Variants in SDK2 observed in about 807,000 individuals in gnomAD.
The protein encoded by SDK2 is protein sidekick-2.
A neutral mutation model predicts 253.9 loss-of-function variants in SDK2; 105 were observed. That is an observed-to-expected ratio of 0.41 (90% confidence interval 0.35 to 0.49). The LOEUF (loss-of-function observed/expected upper bound fraction) is 0.49. Among genes scored for constraint, SDK2 ranks in the 20% least tolerant of loss-of-function variants. SDK2 has a pLI of 0.06. For missense variants in SDK2, 2,608 were observed against 3,003.0 expected, an observed-to-expected ratio of 0.87 and a Z score of 3.07; for synonymous variants, 1,249 against 1,234.9, an observed-to-expected ratio of 1.01 and a Z score of -0.24.
At chr17:73,366,409 G>T (rs2062685918) in intron 37 of SDK2, among the ~76,000 whole-genome samples, 1 of 152,142 alleles carries the variant, frequency 6.6e-6, no homozygotes, top group South Asian at 2.1e-4. Flanking sequence ...TCAGACCCTG[G>T]GGGTAGTGGA....
At chr17:73,595,519 A>G (rs11649898) in intron 1 of SDK2, among the ~76,000 whole-genome samples, 1 of 152,000 alleles carries the variant, frequency 6.6e-6, no homozygotes, top group Non-Finnish European at 1.5e-5. Flanking sequence ...GCCTCGGGTC[A>G]TCAGAGGAAA....
intron 2 of SDK2, among the ~76,000 whole-genome samples, chr17:73,477,821 C>G (rs951357220): frequency 6.6e-6 from 1 of 152,118 alleles, no homozygotes; most frequent in Non-Finnish European, 1.5e-5. Flanking sequence ...AGAGCAGGAA[C>G]CTGGCTCCTC....
chr17:73,464,508 C>T lies in SDK2; in HGVS notation c.331+7604G>A, dbSNP rs192494870. On this transcript the variant is annotated intron_variant, in intron 3 of 44. Transcript: ENST00000392650. The stretch of plus-strand genomic sequence containing the variant: ...TCTTTATTAGCAGCTTGAAAACAGG[C>T]TAATACACAGCCAAAGCACTGACCA... 7.2e-5 allele frequency among the ~76,000 whole-genome samples: 11 copies of T among 152,340 alleles called. No homozygotes were observed. In the East Asian group the frequency reaches 1.9e-3, roughly 27 times the overall value.
rs766188468 is a variant in SDK2, at chr17:73,433,809, G to A, written c.1235C>T (p.Thr412Met). Residue 412 changes from threonine to methionine, a missense_variant, in exon 10 of 45, where the codon ACG (threonine) becomes ATG (methionine). Transcript: ENST00000392650. ...CACCACTGACATGCCATCGATCACC[G>A]TGCTGTCCAGGGGGCCTCTGGTGAT... ...PNITRGPLDS[T>M]VIDGMSVVLA... 1.0e-5 allele frequency: 16 copies of A among 1,598,740 alleles called. No homozygotes were observed. The East Asian group carries it at 1.3e-4, about 13-fold the overall frequency.
intron 1 of SDK2, among the ~76,000 whole-genome samples, chr17:73,606,514 C>T (rs1385241998): frequency 6.6e-6 from 1 of 152,160 alleles, no homozygotes; most frequent in Non-Finnish European, 1.5e-5. Context: ...CCTATTTTAC[C>T]CGCACCATCT....
chr17:73,591,040 C>T (rs552941548), intron 1 of SDK2, among the ~76,000 whole-genome samples: 7 of 152,284 alleles, frequency 4.6e-5, no homozygotes, highest in Admixed American at 3.9e-4. Flanking sequence ...CTGCCTCAGC[C>T]TCCTGAGTAG....
rs2062707099 is a variant in SDK2, at chr17:73,368,620, G to T, written c.4981-27C>A. 10 of 1,519,878 alleles carry T rather than the reference G, an allele frequency of 6.6e-6. No individual in the cohort carries two copies. The East Asian group carries it at 2.4e-4, about 36-fold the overall frequency. 94.1% of individuals were successfully genotyped at this position (1,519,878 alleles called of 1,614,324 possible). ...TGTGGGAACAGAAGGATGTGGGAGT[G>T]AGGGGGACAGGGGCAATGAGAGTCC... is the stretch of plus-strand genomic sequence containing the variant. On this transcript the variant is annotated intron_variant, in intron 36 of 44. Coordinates refer to ENST00000392650, the MANE Select transcript of SDK2 (RefSeq NM_001144952.2).
intron 3 of SDK2, 73 bp downstream of exon 3, chr17:73,472,039 C>T (rs1418276504): frequency 3.6e-6 from 4 of 1,125,194 alleles, no homozygotes; most frequent in Non-Finnish European, 5.2e-6. Context: ...TGGCTCTGCC[C>T]AGGATGTGGC....
In SDK2 at chr17:73,350,278, G is replaced by A. The variant is rs138003419; in HGVS notation, c.5997C>T (p.Ser1999=). The A allele has an allele frequency of 4.2e-5, 67 of 1,599,448 alleles. No individual in the cohort carries two copies. The Middle Eastern group carries it at 6.6e-4, about 16-fold the overall frequency. ...TCTTTCGGCAGAAAGAGTTCTTGAC[G>A]GAGAGCCGCCTGTTGTTGAGTTCCA... is the stretch of plus-strand genomic sequence containing the variant. The part of the protein sequence containing the change: ...PALELNNRRL[S]VKNSFCRKNG... The change falls in exon 43 of 45, where the codon TCC becomes TCT. Residue 1999 remains serine, a synonymous_variant. Coordinates refer to ENST00000392650, the MANE Select transcript of SDK2 (RefSeq NM_001144952.2).
rs566117978 is a variant in SDK2 at position 73,608,186 on chromosome 17, C to T, written c.64+35839G>A. ...TTTCTCAGATGTGCCTGGTGTTGGA[C>T]GACCTCAACAGTTTTGAGGGGTGCT... On this transcript the variant is annotated intron_variant, in intron 1 of 44. Transcript: ENST00000392650. Among the ~76,000 whole-genome samples the T allele has an allele frequency of 2.6e-5, 4 of 152,046 alleles. No individual in the cohort carries two copies. The East Asian group carries it at 5.8e-4, about 22-fold the overall frequency.
intron 1 of SDK2, among the ~76,000 whole-genome samples, chr17:73,566,080 C>T (rs929673408): frequency 2.6e-5 from 4 of 152,324 alleles, no homozygotes; most frequent in Non-Finnish European, 5.9e-5. Flanking sequence ...CTTGGCCTCC[C>T]AAAGTCCTGG....
intron 1 of SDK2, among the ~76,000 whole-genome samples, chr17:73,625,095 T>A (rs1016739579): frequency 2.0e-5 from 3 of 152,158 alleles, no homozygotes; most frequent in African/African-American, 7.2e-5. Context: ...AGGGCCAGGA[T>A]TCCAGCTGAG....
intron 1 of SDK2, among the ~76,000 whole-genome samples, chr17:73,523,556 C>T (rs1259710612): frequency 1.3e-5 from 2 of 151,914 alleles, no homozygotes; most frequent in Non-Finnish European, 2.9e-5. Flanking sequence ...AATGTAGCTG[C>T]CGGCATGGGA....
At position 73,348,713 on chromosome 17, in the gene SDK2, C is replaced by T; in HGVS notation, c.6051G>A (p.Arg2017=). ...AGTAGTGCAGGCTGCCTGGGCTGGG[C>T]CTGGGGGGAGACCTGGAGAGAGCGG... is the stretch of plus-strand genomic sequence containing the variant. ...KNGLYTRSPP[R]PSPGSLHYSD... is the part of the protein sequence containing the mutation. The change falls in exon 44 of 45, where the codon AGG becomes AGA. Residue 2017 remains arginine, a synonymous_variant. Transcript: ENST00000392650. 1 of 1,607,914 alleles carries T rather than the reference C, an allele frequency of 6.2e-7. No homozygotes were observed.
At chr17:73,555,905 G>A (rs1354038296) in intron 1 of SDK2, among the ~76,000 whole-genome samples, 2 of 152,170 alleles carry the variant, frequency 1.3e-5, no homozygotes, top group South Asian at 4.1e-4. Flanking sequence ...AGAGAGTCAG[G>A]GGGGACCAGG....
At chr17:73,566,745 A>G (rs1476102834) in intron 1 of SDK2, among the ~76,000 whole-genome samples, 3 of 152,178 alleles carry the variant, frequency 2.0e-5, no homozygotes, top group African/African-American at 7.2e-5. Context: ...CTTACAAGTA[A>G]TAACCCAAGA....
chr17:73,587,411 C>T (rs917983656), intron 1 of SDK2, among the ~76,000 whole-genome samples: 22 of 152,364 alleles, frequency 1.4e-4, no homozygotes, highest in Non-Finnish European at 2.2e-4. Flanking sequence ...CCAACTGGGG[C>T]GCCCTCTGGC....
chr17:73,644,171 G>A lies in SDK2; in HGVS notation c.-83C>T, dbSNP rs562566684. On this transcript the variant is annotated 5_prime_UTR_variant, in exon 1 of 45. Coordinates refer to ENST00000392650, the MANE Select transcript of SDK2 (RefSeq NM_001144952.2). The surrounding 1 kb of genome is among the most constrained non-coding windows in gnomAD (Gnocchi z 6.3). ...ATCCTGGTGGGGTCCGATACCCCGT[G>A]GCTTAGTCCCAGGAAACAGTCAGTC... is the stretch of plus-strand genomic sequence containing the variant. 6 of 1,181,418 alleles carry A rather than the reference G, an allele frequency of 5.1e-6. No individual in the cohort carries two copies. The African/African-American group carries it at 7.6e-5, about 15-fold the overall frequency. The allele number at this position is 1,181,418 out of a possible 1,614,324, so 73.2% of individuals were successfully genotyped here. A position where few individuals can be genotyped will look rare whatever the true frequency, so the allele number is the denominator to read the frequency against.
At chr17:73,445,729 C>G (rs1386504817) in intron 5 of SDK2, among the ~76,000 whole-genome samples, 1 of 152,024 alleles carries the variant, frequency 6.6e-6, no homozygotes, top group Non-Finnish European at 1.5e-5. Flanking sequence ...GGCAGGCAGG[C>G]TGGGGATTTG....
Sources: gnomAD v4.1 joint callset for allele counts (sites outside exome capture counted in the v4.1 genomes callset) on GRCh38, gnomAD v4.1.1 for gene constraint, Gnocchi (gnomAD v3.1) non-coding constraint, MANE v1.5 for transcripts, NCBI Gene and HGNC (gene_info 2026-07-23, HGNC 2026-07-21) for gene names.